The following HYDIN variants were observed in gnomAD, a reference collection of about 807,000 sequenced individuals.
The protein encoded by HYDIN is HYDIN axonemal central pair apparatus protein.
Under a neutral mutation model 403.9 loss-of-function variants are expected in HYDIN, and 132 were observed. The ratio of observed to expected loss-of-function variants is 0.33; its 90% CI spans 0.28 to 0.38. The LOEUF (loss-of-function observed/expected upper bound fraction) is 0.38, where lower values mean the gene tolerates loss of function less well. HYDIN is among the 10% of genes least tolerant of loss of function. HYDIN has a pLI of 1.00. For missense variants in HYDIN, 2,827 were observed against 5,009.5 expected (o/e 0.56, Z 13.15); for synonymous variants, 1,202 against 1,891.7 (o/e 0.64, Z 9.46).
chr16:71,210,220 T>C (rs1313511312), intron 1 of HYDIN, among the ~76,000 whole-genome samples: 1 of 152,184 alleles, frequency 6.6e-6, no homozygotes, highest in Non-Finnish European at 1.5e-5. Flanking sequence ...GTATGTTCAC[T>C]GCAGCACTAA....
rs1310417529 is a variant in HYDIN at position 71,109,509 on chromosome 16, G to A, written c.1327+6187C>T. On this transcript the variant is annotated intron_variant, in intron 10 of 85. Coordinates refer to ENST00000393567, the MANE Select transcript of HYDIN (RefSeq NM_001270974.2). The stretch of plus-strand genomic sequence containing the variant: ...ATCTGTCTAACAAGTATTTCTTAGT[G>A]ACCTAAGACCAAGAGGTTTTACCAA... Among the ~76,000 whole-genome samples the A allele has an allele frequency of 3.0e-5, 4 of 132,228 alleles. No homozygotes were observed. The East Asian group carries it at 8.5e-4, about 28-fold the overall frequency. 86.7% of individuals were successfully genotyped at this position (132,228 alleles called of 152,430 possible). A position where few individuals can be genotyped will look rare whatever the true frequency, so the allele number is the denominator to read the frequency against.
At chr16:71,181,907 A>G (rs1597968736) in intron 3 of HYDIN, among the ~76,000 whole-genome samples, 1 of 152,208 alleles carries the variant, frequency 6.6e-6, no homozygotes, top group South Asian at 2.1e-4. Context: ...AGGCTGTGAA[A>G]AAAAGCTAAA....
At position 70,805,186 on chromosome 16, in the gene HYDIN, C is replaced by T. The variant is rs917242350; in HGVS notation, c.*2394G>A. On this transcript the variant is annotated 3_prime_UTR_variant, in exon 86 of 86. Transcript: ENST00000393567. ...CCTATGCAGATTTGGTAAGACTTCTCAGGACTGTAATGAAAGAGTTATGGC... is the reference window on the plus strand; with the variant it reads ...CCTATGCAGATTTGGTAAGACTTCTTAGGACTGTAATGAAAGAGTTATGGC... Among the ~76,000 whole-genome samples the T allele has an allele frequency of 3.9e-5, 6 of 152,176 alleles. No homozygotes were observed. Among genetic ancestry groups the T allele is most frequent in the Admixed American group, 3.3e-4 (5 of 15,284 alleles).
At chr16:70,809,209 C>T (rs1230021312) in intron 85 of HYDIN, among the ~76,000 whole-genome samples, 2 of 152,196 alleles carry the variant, frequency 1.3e-5, no homozygotes, top group East Asian at 3.8e-4. Flanking sequence ...ACCACTGTGT[C>T]TAGCTTTGGG....
At chr16:70,917,211 A>T (rs1197980920) in intron 47 of HYDIN, among the ~76,000 whole-genome samples, 1 of 152,260 alleles carries the variant, frequency 6.6e-6, no homozygotes, top group African/African-American at 2.4e-5. Context: ...CCTGAGCCAC[A>T]GTGCCCAGCC....
intron 1 of HYDIN, among the ~76,000 whole-genome samples, chr16:71,188,127 AT>A (rs985467711): frequency 6.6e-6 from 1 of 151,896 alleles, no homozygotes; most frequent in African/African-American, 2.4e-5. Context: ...CAAGTTATTT[AT>A]TTTTTTTAAA....
rs8051921 is a variant in HYDIN at position 70,806,152 on chromosome 16, A to C, written c.*1428T>G. 0.076 allele frequency among the ~76,000 whole-genome samples: 11,534 copies of C among 152,178 alleles called. 1,413 individuals are homozygous for C. Among genetic ancestry groups the C allele is most frequent in the African/African-American group, 0.26 (10,815 of 41,448 alleles). On this transcript the variant is annotated 3_prime_UTR_variant, in exon 86 of 86. Transcript: ENST00000393567. ...ATGCTGGCATATTATTATAATTATT[A>C]CATTTTATTATTATTATTGTTAATG...
chr16:71,040,285 T>C (rs2081243118), intron 18 of HYDIN, among the ~76,000 whole-genome samples: 1 of 150,156 alleles, frequency 6.7e-6, no homozygotes, highest in East Asian at 2.0e-4. Context: ...AGGGACACAC[T>C]CCCTTCGTGA....
intron 41 of HYDIN, among the ~76,000 whole-genome samples, chr16:70,947,621 G>C (rs1300214813): frequency 6.6e-6 from 1 of 151,958 alleles, no homozygotes; most frequent in African/African-American, 2.4e-5. Flanking sequence ...AATGGTACCA[G>C]TTCCTCTTTG....
intron 40 of HYDIN, among the ~76,000 whole-genome samples, chr16:70,953,325 C>T (rs1273274465): frequency 6.6e-6 from 1 of 152,144 alleles, no homozygotes; most frequent in African/African-American, 2.4e-5. Context: ...CAAGCCCCTG[C>T]CTCCAGAGCT....
At chr16:70,883,093 T>C (rs1444983657) in intron 59 of HYDIN, among the ~76,000 whole-genome samples, 198 bp from the exon 60 acceptor site, 7 of 152,334 alleles carry the variant, frequency 4.6e-5, no homozygotes, top group Non-Finnish European at 7.4e-5. Flanking sequence ...GTTGCCACAC[T>C]CCAGTGAGCA....
chr16:70,948,345 A>G (rs1207934028), intron 41 of HYDIN, among the ~76,000 whole-genome samples: 1 of 152,154 alleles, frequency 6.6e-6, no homozygotes. Flanking sequence ...TCCTAAAACC[A>G]TAACAACCCT....
At chr16:71,056,009 C>T (rs1227837402) in intron 18 of HYDIN, among the ~76,000 whole-genome samples, 4 of 152,072 alleles carry the variant, frequency 2.6e-5, no homozygotes, top group South Asian at 2.1e-4. Flanking sequence ...CCCTTATTTC[C>T]GCTGCTCATA....
At chr16:71,002,351 G>T (rs2079746462) in intron 23 of HYDIN, among the ~76,000 whole-genome samples, 1 of 152,096 alleles carries the variant, frequency 6.6e-6, no homozygotes, top group Admixed American at 6.6e-5. Flanking sequence ...TTTGAGACCA[G>T]CCTTGGCAAC....
rs1039191485 is a variant in HYDIN at position 70,803,059 on chromosome 16, T to C, written c.*4521A>G. Among the ~76,000 whole-genome samples the C allele has an allele frequency of 6.6e-6, 1 of 152,258 alleles. No individual in the cohort carries two copies. Among genetic ancestry groups the C allele is most frequent in the African/African-American group, 2.4e-5 (1 of 41,474 alleles). On this transcript the variant is annotated 3_prime_UTR_variant, in exon 86 of 86. Coordinates refer to ENST00000393567, the MANE Select transcript of HYDIN (RefSeq NM_001270974.2). Reference sequence around the variant, plus strand: ...ATTTCCACGGGACGCATATCTAATATATTTCATGTTTCTTTTGCTTTTTGG... The same window carrying C: ...ATTTCCACGGGACGCATATCTAATACATTTCATGTTTCTTTTGCTTTTTGG...
intron 41 of HYDIN, among the ~76,000 whole-genome samples, chr16:70,947,739 C>T (rs1237403979): frequency 6.6e-6 from 1 of 152,148 alleles, no homozygotes; most frequent in African/African-American, 2.4e-5. Context: ...CCTAGGAATC[C>T]ACCTTACAAG....
At position 70,869,984 on chromosome 16, in the gene HYDIN, T is replaced by G. The variant is rs2039999618; in HGVS notation, c.11092-1196A>C. Among the ~76,000 whole-genome samples the G allele has an allele frequency of 4.0e-5, 6 of 150,302 alleles. No individual in the cohort carries two copies. The South Asian group carries it at 1.3e-3, about 32-fold the overall frequency. ...TCCAGGCTGAGATGATTCCTGGAGA[T>G]GAGAAACTTGTTGGGAACTGGAGCA... On this transcript the variant is annotated intron_variant, in intron 65 of 85. Transcript: ENST00000393567.
intron 24 of HYDIN, 67 bp from the exon 25 acceptor site, chr16:70,991,463 A>C (rs1292439233): frequency 5.0e-6 from 8 of 1,590,128 alleles, no homozygotes; most frequent in Non-Finnish European, 6.8e-6. Flanking sequence ...TCTCAGGTGC[A>C]TAACAGCCCT....
chr16:70,908,348 T>C lies in HYDIN; in HGVS notation c.8300A>G (p.Asp2767Gly). Residue 2767 changes from aspartate (D) to glycine (G), a missense_variant, in exon 49 of 86, where the codon GAC (aspartate) becomes GGC (glycine). Transcript: ENST00000393567. ...HFSSDEFGNF[D>G]QTFNFEILGT... The stretch of plus-strand genomic sequence containing the variant: ...TAGGATCTCAAAGTTAAAGGTTTGG[T>C]CAAAGTTCCCGAACTCATCAGAAGA... 1 of 1,361,560 alleles carries C rather than the reference T, an allele frequency of 7.3e-7. No homozygotes were observed. Among genetic ancestry groups the C allele is most frequent in the South Asian group, 1.2e-5 (1 of 81,328 alleles). The allele number at this position is 1,361,560 out of a possible 1,614,324, so 84.3% of individuals were successfully genotyped here. A position where few individuals can be genotyped will look rare whatever the true frequency, so the allele number is the denominator to read the frequency against.
Sources: gnomAD v4.1 joint callset for allele counts (sites outside exome capture counted in the v4.1 genomes callset) on GRCh38, gnomAD v4.1.1 for gene constraint, MANE v1.5 for transcripts, NCBI Gene and HGNC (gene_info 2026-07-23, HGNC 2026-07-21) for gene names.